MYH15: variants seen among roughly 807,000 people sequenced by gnomAD.
MYH15 encodes myosin heavy chain 15, also known as myosin-15.
MYH15 carries 227 observed loss-of-function variants against 240.5 expected under a neutral mutation model. The ratio of observed to expected loss-of-function variants is 0.94; its 90% confidence interval spans 0.85 to 1.05. The LOEUF (loss-of-function observed/expected upper bound fraction) is 1.05, where lower values mean the gene tolerates loss of function less well. MYH15 is among the 50% of genes least tolerant of loss of function. The pLI, the probability that MYH15 is intolerant of heterozygous loss-of-function variation, is 0.00. For missense variants in MYH15, 2,217 were observed against 2,247.5 expected (o/e 0.99, Z 0.27); for synonymous variants, 785 against 796.7 (o/e 0.99, Z 0.25).
chr3:108,463,987 TA>T (rs2107582944), intron 15 of MYH15, among the ~76,000 whole-genome samples: 1 of 152,180 alleles, frequency 6.6e-6, no homozygotes, highest in Non-Finnish European at 1.5e-5. Flanking sequence ...ATTGCAATGG[TA>T]TTTTACTGTA....
chr3:108,481,029 G>T (rs898226841), intron 11 of MYH15, among the ~76,000 whole-genome samples: 2 of 152,052 alleles, frequency 1.3e-5, no homozygotes, highest in Non-Finnish European at 2.9e-5. Context: ...ATGAGCTAAA[G>T]GTAGAAGCAT....
intron 11 of MYH15, 29 bp from the exon 12 acceptor site, chr3:108,476,544 G>A: frequency 3.5e-6 from 5 of 1,418,114 alleles, no homozygotes; most frequent in Middle Eastern, 1.8e-4. Context: ...AGAAAAGGAA[G>A]GAGAGAGGAA....
chr3:108,510,327 C>A (rs2083511955), intron 1 of MYH15, 116 bp downstream of exon 1: 1 of 1,384,506 alleles, frequency 7.2e-7, no homozygotes, highest in Non-Finnish European at 9.7e-7. Context: ...CTGATCATAC[C>A]CTAAGCAAAT....
intron 22 of MYH15, among the ~76,000 whole-genome samples, chr3:108,442,366 T>G (rs1393723484): frequency 6.6e-6 from 1 of 152,058 alleles, no homozygotes; most frequent in Non-Finnish European, 1.5e-5. Context: ...AATGTACAAC[T>G]TCACTGAAAA....
intron 24 of MYH15, among the ~76,000 whole-genome samples, 159 bp downstream of exon 24, chr3:108,439,578 T>C (rs2082868568): frequency 6.6e-6 from 1 of 152,234 alleles, no homozygotes; most frequent in South Asian, 2.1e-4. Flanking sequence ...ATCGTGGTTT[T>C]GTGTATAAGA....
the MYH15 span, among the ~76,000 whole-genome samples, chr3:108,539,107 C>T: frequency 6.6e-6 from 1 of 152,126 alleles, no homozygotes; most frequent in Non-Finnish European, 1.5e-5. Flanking sequence ...TAGTAAGTTT[C>T]CTACACATGA....
Position 108,389,008 on chromosome 3 carries a change from G to C in MYH15, c.5497C>G (p.Arg1833Gly), listed in dbSNP as rs372963200. 11 of 1,613,580 alleles carry C rather than the reference G, an allele frequency of 6.8e-6. No homozygotes were observed. Among genetic ancestry groups the C allele is most frequent in the Non-Finnish European group, 8.5e-6 (10 of 1,179,834 alleles). ...TCTTTGATGCATCGCTCAAGTCTGC[G>C]GGCTCCCCTCTGGGCCTCTGCACTG... The part of the protein sequence containing the change: ...RRSAEAQRGA[R>G]RLERCIKELT... The change falls in exon 38 of 41, where the codon CGC becomes GGC. Residue 1833 changes from arginine (R) to glycine (G), a missense_variant. Transcript: ENST00000693548.
At chr3:108,487,068 C>T (rs1206126702) in intron 9 of MYH15, among the ~76,000 whole-genome samples, 1 of 152,206 alleles carries the variant, frequency 6.6e-6, no homozygotes, top group Non-Finnish European at 1.5e-5. Context: ...ATCCATAAAT[C>T]AGCTGCTGTG....
chr3:108,399,357 A>G, intron 33 of MYH15, 90 bp from the exon 34 acceptor site: 4 of 1,069,140 alleles, frequency 3.7e-6, no homozygotes, highest in Non-Finnish European at 5.4e-6. Context: ...CAAGAAACAG[A>G]AAAAGAATAA....
At chr3:108,537,289 C>T in the MYH15 span, among the ~76,000 whole-genome samples, 1 of 152,160 alleles carries the variant, frequency 6.6e-6, no homozygotes, top group Admixed American at 6.5e-5. Context: ...CACACAGTCC[C>T]ATATATCACC....
At chr3:108,537,159 T>C in the MYH15 span, among the ~76,000 whole-genome samples, 1 of 152,196 alleles carries the variant, frequency 6.6e-6, no homozygotes, top group Non-Finnish European at 1.5e-5. Flanking sequence ...TGTTTTTAAT[T>C]GATTATAACT....
chr3:108,470,032 C>T lies in MYH15; in HGVS notation c.1554+10G>A, dbSNP rs749979676. ...AAATGAAAATGGACAAAGAGAAAAA[C>T]ATATATTACCTTCTCAATGAGATCT... On this transcript the variant is annotated intron_variant, in intron 14 of 40. Transcript: ENST00000693548. 3 of 1,585,796 alleles carry T rather than the reference C, an allele frequency of 1.9e-6. No homozygotes were observed. Among genetic ancestry groups the T allele is most frequent in the Non-Finnish European group, 1.7e-6 (2 of 1,170,856 alleles).
At chr3:108,415,936 C>A (rs564409776) in intron 29 of MYH15, among the ~76,000 whole-genome samples, 4 of 152,106 alleles carry the variant, frequency 2.6e-5, no homozygotes, top group African/African-American at 9.7e-5. Context: ...TTTCACTATG[C>A]GTTTAAGTTC....
intron 37 of MYH15, among the ~76,000 whole-genome samples, 192 bp downstream of exon 37, chr3:108,391,568 T>C (rs908225383): frequency 8.5e-5 from 13 of 152,182 alleles, no homozygotes; most frequent in Non-Finnish European, 2.9e-5. Flanking sequence ...AGGAAAGTCC[T>C]ATGTGCTCAC....
At chr3:108,502,747 T>C (rs2083447821) in intron 2 of MYH15, among the ~76,000 whole-genome samples, 1 of 152,000 alleles carries the variant, frequency 6.6e-6, no homozygotes, top group Non-Finnish European at 1.5e-5. Flanking sequence ...CAGTTGGTGA[T>C]GGCTTCTTTC....
intron 9 of MYH15, among the ~76,000 whole-genome samples, 160 bp from the exon 10 acceptor site, chr3:108,486,686 T>C (rs2083308659): frequency 6.6e-6 from 1 of 152,224 alleles, no homozygotes; most frequent in African/African-American, 2.4e-5. Context: ...CAATCAATGT[T>C]TGCCCTCTAT....
intron 26 of MYH15, 96 bp downstream of exon 26, chr3:108,430,736 G>T: frequency 1.1e-6 from 1 of 914,644 alleles, no homozygotes; most frequent in Non-Finnish European, 1.7e-6. Flanking sequence ...GTTGGCTAAG[G>T]GTATGAATAC....
chr3:108,423,357 T>A (rs1308897790), intron 27 of MYH15, among the ~76,000 whole-genome samples: 2 of 152,218 alleles, frequency 1.3e-5, no homozygotes, highest in Non-Finnish European at 2.9e-5. Flanking sequence ...GTAGTTCCAG[T>A]TCACAGATGT....
intron 6 of MYH15, 54 bp downstream of exon 6, chr3:108,497,998 G>T: frequency 6.7e-7 from 1 of 1,493,266 alleles, no homozygotes; most frequent in Non-Finnish European, 9.3e-7. Context: ...CAACCTCCAT[G>T]ATCCAGTGGA....
Sources: gnomAD v4.1 joint callset for allele counts (sites outside exome capture counted in the v4.1 genomes callset) on GRCh38, gnomAD v4.1.1 for gene constraint, MANE v1.5 for transcripts, NCBI Gene and HGNC (gene_info 2026-07-23, HGNC 2026-07-21) for gene names.